Variants in NELFA observed in about 807,000 individuals in gnomAD.
NELFA encodes negative elongation factor complex member A.
Under a neutral mutation model 51.8 loss-of-function variants are expected in NELFA, and 35 were observed. The ratio of observed to expected loss-of-function variants is 0.68; its 90% confidence interval spans 0.52 to 0.90. The LOEUF (loss-of-function observed/expected upper bound fraction) is 0.90, where lower values mean the gene tolerates loss of function less well. NELFA is among the 40% of genes least tolerant of loss of function. NELFA has a pLI of 0.00. For missense variants in NELFA, 658 were observed against 746.4 expected (o/e 0.88, Z 1.38); for synonymous variants, 417 against 338.4 (o/e 1.23, Z -2.55).
chr4:1,994,747 T>A (rs1372114153), intron 1 of NELFA, among the ~76,000 whole-genome samples: 1 of 145,320 alleles, frequency 6.9e-6, no homozygotes, highest in East Asian at 2.1e-4. Context: ...CCCAGCTACT[T>A]GGGAGGCTGA....
In NELFA at chr4:1,989,900, C is replaced by T. The variant is rs373044521; in HGVS notation, c.383-31G>A. 52 of 1,600,920 alleles carry T rather than the reference C, an allele frequency of 3.2e-5. No homozygotes were observed. Among genetic ancestry groups the T allele is most frequent in the African/African-American group, 4.0e-5 (3 of 74,536 alleles). Reference sequence around the variant, plus strand: ...GGTAAGAACCACATGAAGTTAGGGGCGCCCAGGCCGCAGACCTCCCGGCTG... The same window carrying T: ...GGTAAGAACCACATGAAGTTAGGGGTGCCCAGGCCGCAGACCTCCCGGCTG... On this transcript the variant is annotated intron_variant, in intron 2 of 10. Coordinates refer to ENST00000382882, the MANE Select transcript of NELFA (RefSeq NM_005663.5). This position sits in a 1 kb window ranked among gnomAD's most constrained non-coding sequence, Gnocchi z 4.8.
intron 1 of NELFA, among the ~76,000 whole-genome samples, chr4:2,002,885 G>T (rs746439254): frequency 6.6e-6 from 1 of 152,160 alleles, no homozygotes; most frequent in Non-Finnish European, 1.5e-5. Context: ...TGACAAATGG[G>T]ATCTAATTAA....
rs201841845 is a variant in NELFA at position 1,983,010 on chromosome 4, G to A, written c.*309C>T. ...GATTTTAAAAAGTAAGAGTCTAACA[G>A]GCAGAGCTGTCACTAAAATTAGGAA... On this transcript the variant is annotated 3_prime_UTR_variant, in exon 11 of 11. Coordinates refer to ENST00000382882, the MANE Select transcript of NELFA (RefSeq NM_005663.5). 3.9e-6 allele frequency: 1 copy of A among 254,124 alleles called. No homozygotes were observed. Among genetic ancestry groups the A allele is most frequent in the Non-Finnish European group, 7.4e-6 (1 of 135,882 alleles). 15.7% of individuals were successfully genotyped at this position (254,124 alleles called of 1,614,324 possible).
At position 1,983,245 on chromosome 4, in the gene NELFA, C is replaced by A. The variant is rs955969043; in HGVS notation, c.*74G>T. ...CCTCGGGGGCCAGGTGTCCGCCATC[C>A]GGTTACTTTAAGCTGGCAAAGCCAT... On this transcript the variant is annotated 3_prime_UTR_variant, in exon 11 of 11. Coordinates refer to ENST00000382882, the MANE Select transcript of NELFA (RefSeq NM_005663.5). 1.3e-6 allele frequency: 2 copies of A among 1,485,178 alleles called. No individual in the cohort carries two copies. Among genetic ancestry groups the A allele is most frequent in the South Asian group, 1.3e-5 (1 of 76,370 alleles). The allele number at this position is 1,485,178 out of a possible 1,614,324, so 92.0% of individuals were successfully genotyped here.
chr4:1,987,917 C>T lies in NELFA; in HGVS notation c.634+1G>A. 6.2e-7 allele frequency: 1 copy of T among 1,603,556 alleles called. No individual in the cohort carries two copies. ...TCACGGCACCAGGGTGGGGGCCTTA[C>T]TGGTGGTGTCCATCTTCCGCAGCAG... On this transcript the variant is annotated splice_donor_variant, in intron 4 of 10. Coordinates refer to ENST00000382882, the MANE Select transcript of NELFA (RefSeq NM_005663.5). LOFTEE classifies it high-confidence loss of function.
chr4:1,991,876 A>C (rs1168493036), intron 1 of NELFA, 161 bp from the exon 2 acceptor site: 2 of 685,182 alleles, frequency 2.9e-6, no homozygotes, highest in Middle Eastern at 4.2e-4. Flanking sequence ...CCCCCGCCTC[A>C]CCCCAGGGCC....
At chr4:2,001,746 T>C (rs1156264867) in intron 1 of NELFA, among the ~76,000 whole-genome samples, 1 of 151,356 alleles carries the variant, frequency 6.6e-6, no homozygotes, top group Non-Finnish European at 1.5e-5. Context: ...CTACTAAAAA[T>C]ACACAAATTA....
intron 1 of NELFA, 73 bp from the exon 2 acceptor site, chr4:1,991,788 G>A: frequency 2.0e-6 from 3 of 1,472,084 alleles, no homozygotes; most frequent in Non-Finnish European, 2.7e-6. Context: ...TGAGCTTCCG[G>A]ATGGGCACTG....
At chr4:1,997,961 T>C (rs1728476230) in intron 1 of NELFA, among the ~76,000 whole-genome samples, 1 of 152,060 alleles carries the variant, frequency 6.6e-6, no homozygotes, top group Non-Finnish European at 1.5e-5. Context: ...CAGCCTCCTT[T>C]AGTGACACCT....
At chr4:1,984,240 T>A in intron 8 of NELFA, 127 bp from the exon 9 acceptor site, 3 of 1,208,766 alleles carry the variant, frequency 2.5e-6, no homozygotes, top group Non-Finnish European at 3.3e-6. Context: ...GAACTCCCTG[T>A]GGCCCCCAGC....
chr4:1,985,928 C>T lies in NELFA; in HGVS notation c.836-64G>A. 9.7e-6 allele frequency: 14 copies of T among 1,448,100 alleles called. No individual in the cohort carries two copies. In the Middle Eastern group the frequency reaches 7.1e-4, roughly 74 times the overall value. The allele number at this position is 1,448,100 out of a possible 1,614,324, so 89.7% of individuals were successfully genotyped here. ...CGTCTGCAGTGTCAGCTCAGGGCAG[C>T]GGCAGGGAATCAAACAGCTTCCCAG... On this transcript the variant is annotated intron_variant, in intron 6 of 10. Coordinates refer to ENST00000382882, the MANE Select transcript of NELFA (RefSeq NM_005663.5).
At position 1,984,188 on chromosome 4, in the gene NELFA, A is replaced by G. The variant is rs2109053231; in HGVS notation, c.1037-75T>C. The G allele has an allele frequency of 4.9e-6, 7 of 1,423,338 alleles. No homozygotes were observed. The South Asian group carries it at 8.8e-5, about 18-fold the overall frequency. The allele number at this position is 1,423,338 out of a possible 1,614,324, so 88.2% of individuals were successfully genotyped here. A position where few individuals can be genotyped will look rare whatever the true frequency, so the allele number is the denominator to read the frequency against. ...CCAAACCCTAGTGCTCCTGGAGGTG[A>G]CAGGCTCAGCTCCCCTTCTCTGTCC... is the stretch of plus-strand genomic sequence containing the variant. On this transcript the variant is annotated intron_variant, in intron 8 of 10. Coordinates refer to ENST00000382882, the MANE Select transcript of NELFA (RefSeq NM_005663.5).
chr4:1,989,980 G>A lies in NELFA; in HGVS notation c.383-111C>T. On this transcript the variant is annotated intron_variant, in intron 2 of 10. Transcript: ENST00000382882. This position sits in a 1 kb window ranked among gnomAD's most constrained non-coding sequence, Gnocchi z 4.8. The stretch of plus-strand genomic sequence containing the variant: ...CCCTCCTCAGTTAGGGTTAGGTCAT[G>A]GGAGCTTCGGCTGTCCCCTGAGGTC... 7.5e-7 allele frequency: 1 copy of A among 1,339,020 alleles called. No homozygotes were observed. The highest frequency in any genetic ancestry group is 1.0e-6 in the Non-Finnish European group (1 of 982,258). 82.9% of individuals were successfully genotyped at this position (1,339,020 alleles called of 1,614,324 possible).
intron 1 of NELFA, among the ~76,000 whole-genome samples, chr4:1,994,272 A>T (rs1304538340): frequency 6.6e-6 from 1 of 152,090 alleles, no homozygotes; most frequent in Admixed American, 6.5e-5. Context: ...TTCTTAAAAA[A>T]ATTAAAAATT....
Position 1,991,708 on chromosome 4 carries a change from C to T in NELFA, c.218G>A (p.Gly73Asp), listed in dbSNP as rs765261720. ...GAGCTGGATGATCTCCATTAGGGCG[C>T]CCTTCATCTGCAAAATAGGATGCTG... Reference protein sequence around the residue: ...LPRRTVDEMKGALMEIIQLAS... With the variant: ...LPRRTVDEMKDALMEIIQLAS... The change falls in exon 2 of 11, where the codon GGC becomes GAC. Residue 73 changes from glycine (G) to aspartate (D), a missense_variant. By Grantham distance (94) the Gly-to-Asp change is moderately conservative. This residue lies in a region of NELFA where 371 missense variants were observed against 448.3 expected (regional missense o/e 0.83). Transcript: ENST00000382882. 10 of 1,595,116 alleles carry T rather than the reference C, an allele frequency of 6.3e-6. No individual in the cohort carries two copies. The highest frequency in any genetic ancestry group is 8.5e-6 in the Non-Finnish European group (10 of 1,172,064).
At position 1,985,828 on chromosome 4, in the gene NELFA, G is replaced by A. The variant is rs747044512; in HGVS notation, c.872C>T (p.Thr291Met). The change falls in exon 7 of 11, where the codon ACG (threonine) becomes ATG (methionine). Residue 291 changes from threonine to methionine, a missense_variant. Physicochemically the swap from Thr to Met is moderately conservative, Grantham distance 81. Around this residue, in one of 3 missense-constraint regions of NELFA, gnomAD observed 371 missense variants for 448.3 expected, o/e 0.83. Transcript: ENST00000382882. Reference sequence around the variant, plus strand: ...GTCCGGGGTGGCGTTCTCCACCACCGTTTCCTCCTTGGCCGGCTTCTCCAC... The same window carrying A: ...GTCCGGGGTGGCGTTCTCCACCACCATTTCCTCCTTGGCCGGCTTCTCCAC... ...EVVEKPAKEE[T>M]VVENATPDYA... 5.6e-6 allele frequency: 9 copies of A among 1,613,238 alleles called. No homozygotes were observed. Among genetic ancestry groups the A allele is most frequent in the East Asian group, 2.2e-5 (1 of 44,862 alleles).
At position 1,984,051 on chromosome 4, in the gene NELFA, G is replaced by T. The variant is rs750497064; in HGVS notation, c.1099C>A (p.Pro367Thr). 6.2e-7 allele frequency: 1 copy of T among 1,603,806 alleles called. No homozygotes were observed. Among genetic ancestry groups the T allele is most frequent in the Non-Finnish European group, 8.5e-7 (1 of 1,178,334 alleles). Residue 367 changes from proline to threonine, a missense_variant, in exon 9 of 11, where the codon CCA (proline) becomes ACA (threonine). By Grantham distance (38) the Pro-to-Thr change is conservative. Transcript: ENST00000382882. ...EEPSAPSPTL[P>T]AQFKQRAPMY... is the part of the protein sequence containing the mutation. ...GGCGCCCGCTGCTTGAACTGCGCTG[G>T]CAACGTGGGGCTCGGGGCGCTGGGC...
intron 6 of NELFA, 97 bp downstream of exon 6, chr4:1,986,017 C>A: frequency 7.0e-7 from 1 of 1,432,446 alleles, no homozygotes; most frequent in Admixed American, 2.2e-5. Context: ...CCTCACGGGG[C>A]ACAGCCCTGC....
chr4:1,984,168 C>T lies in NELFA; in HGVS notation c.1037-55G>A, dbSNP rs184653088. ...GCTGGACCCCCACCCTGTTCCCAAA[C>T]CCTAGTGCTCCTGGAGGTGACAGGC... On this transcript the variant is annotated intron_variant, in intron 8 of 10. Coordinates refer to ENST00000382882, the MANE Select transcript of NELFA (RefSeq NM_005663.5). The T allele has an allele frequency of 2.6e-4, 374 of 1,451,358 alleles. 4 individuals are homozygous for T. In the East Asian group the frequency reaches 7.3e-3, roughly 28 times the overall value. 89.9% of individuals were successfully genotyped at this position (1,451,358 alleles called of 1,614,324 possible).
Sources: gnomAD v4.1 joint callset for allele counts (sites outside exome capture counted in the v4.1 genomes callset) on GRCh38, gnomAD v4.1.1 for gene constraint, gnomAD v4.1.1 regional missense constraint, Gnocchi (gnomAD v3.1) non-coding constraint, MANE v1.5 for transcripts, NCBI Gene and HGNC (gene_info 2026-07-23, HGNC 2026-07-21) for gene names.